The following CAMKMT variants were observed in gnomAD, a reference collection of about 807,000 sequenced individuals.
The protein encoded by CAMKMT is calmodulin-lysine N-methyltransferase, also known as CaM KMT.
Under a neutral mutation model 48.0 loss-of-function variants are expected in CAMKMT, and 53 were observed. That is an observed-to-expected ratio of 1.10 (90% CI 0.89 to 1.39). CAMKMT has a LOEUF of 1.39. Ranked by LOEUF, CAMKMT falls within the 40% of genes most tolerant of loss-of-function variation. The probability of loss-of-function intolerance (pLI) is 0.00; values close to 1 mark genes in which losing one functional copy is unlikely to be tolerated. For synonymous variants in CAMKMT, 165 were observed against 152.3 expected (o/e 1.08, Z -0.61); for missense variants, 428 against 402.7 (o/e 1.06, Z -0.54).
At chr2:44,440,446 A>T (rs1047891855) in intron 3 of CAMKMT, among the ~76,000 whole-genome samples, 12 of 152,194 alleles carry the variant, frequency 7.9e-5, no homozygotes, top group African/African-American at 2.9e-4. Context: ...ATCCTACCTC[A>T]TAGCATGTGC....
At chr2:44,715,928 T>C (rs1176562608) in intron 7 of CAMKMT, among the ~76,000 whole-genome samples, 2 of 152,178 alleles carry the variant, frequency 1.3e-5, no homozygotes, top group African/African-American at 4.8e-5. Context: ...TAAAATAGTC[T>C]AGGTGTCCAT....
intron 3 of CAMKMT, among the ~76,000 whole-genome samples, chr2:44,579,656 A>G (rs1558717990): frequency 6.6e-6 from 1 of 152,160 alleles, no homozygotes. Flanking sequence ...ACTCTTGAGC[A>G]TTGCTGCCCT....
intron 3 of CAMKMT, among the ~76,000 whole-genome samples, chr2:44,671,517 C>T (rs1675325138): frequency 6.6e-6 from 1 of 152,236 alleles, no homozygotes; most frequent in Non-Finnish European, 1.5e-5. Flanking sequence ...GCCCGGTGCA[C>T]TGAGGGTGTT....
At chr2:44,623,415 G>T (rs1288885630) in intron 3 of CAMKMT, among the ~76,000 whole-genome samples, 1 of 152,042 alleles carries the variant, frequency 6.6e-6, no homozygotes, top group Non-Finnish European at 1.5e-5. Context: ...TGATACAGAG[G>T]AGGGTATTTC....
intron 3 of CAMKMT, among the ~76,000 whole-genome samples, chr2:44,672,968 C>T (rs896002049): frequency 6.6e-6 from 1 of 152,134 alleles, no homozygotes; most frequent in African/African-American, 2.4e-5. Context: ...CTGTAATTTT[C>T]TCTTACAACA....
At chr2:44,637,034 G>C (rs1416332344) in intron 3 of CAMKMT, among the ~76,000 whole-genome samples, 1 of 151,798 alleles carries the variant, frequency 6.6e-6, no homozygotes, top group African/African-American at 2.4e-5. Context: ...GGTAAGAGGG[G>C]AAAAAAAATG....
At chr2:44,575,363 GC>G (rs113542374) in intron 3 of CAMKMT, among the ~76,000 whole-genome samples, 88,237 of 151,152 alleles carry the variant, frequency 0.58, 26,367 homozygotes, top group Middle Eastern at 0.66. Flanking sequence ...ACAGGCATGA[GC>G]CACCACGCCC....
chr2:44,466,070 G>A (rs528343506), intron 3 of CAMKMT, among the ~76,000 whole-genome samples: 6 of 152,148 alleles, frequency 3.9e-5, no homozygotes, highest in East Asian at 1.9e-4. Flanking sequence ...AAATAGTAAC[G>A]CAGTTAACAG....
At chr2:44,561,806 G>A (rs1668337897) in intron 3 of CAMKMT, among the ~76,000 whole-genome samples, 2 of 152,174 alleles carry the variant, frequency 1.3e-5, no homozygotes, top group Non-Finnish European at 2.9e-5. Flanking sequence ...AGAAAATAAA[G>A]TAGATCTGAT....
intron 3 of CAMKMT, among the ~76,000 whole-genome samples, chr2:44,536,380 A>G (rs1025216884): frequency 6.6e-6 from 1 of 150,542 alleles, no homozygotes; most frequent in East Asian, 2.0e-4. Context: ...GCTGGAGTGC[A>G]GTGGTGTGAT....
At chr2:44,680,640 A>T (rs949290739) in intron 3 of CAMKMT, among the ~76,000 whole-genome samples, 1 of 152,152 alleles carries the variant, frequency 6.6e-6, no homozygotes, top group Non-Finnish European at 1.5e-5. Context: ...TTTTCACATG[A>T]TGCCACTTAA....
chr2:44,591,099 T>A (rs1670235586), intron 3 of CAMKMT, among the ~76,000 whole-genome samples: 1 of 151,528 alleles, frequency 6.6e-6, no homozygotes, highest in Non-Finnish European at 1.5e-5. Flanking sequence ...CTGTGTCCTG[T>A]TCCATTGATC....
intron 3 of CAMKMT, among the ~76,000 whole-genome samples, chr2:44,562,048 A>G (rs1417937184): frequency 1.3e-5 from 2 of 152,160 alleles, no homozygotes; most frequent in Non-Finnish European, 2.9e-5. Context: ...ACTTGTGTGA[A>G]ATGAAAATAG....
chr2:44,509,536 C>T (rs1055596875), intron 3 of CAMKMT, among the ~76,000 whole-genome samples: 39 of 152,110 alleles, frequency 2.6e-4, no homozygotes, highest in Non-Finnish European at 3.5e-4. Context: ...GTCTTGATCT[C>T]TTGAGCTCAA....
chr2:44,419,737 T>C (rs1683801514), intron 3 of CAMKMT, among the ~76,000 whole-genome samples: 1 of 152,160 alleles, frequency 6.6e-6, no homozygotes, highest in Admixed American at 6.5e-5. Context: ...AAAAATGTTA[T>C]TTTTCCAAGA....
chr2:44,514,510 T>G (rs1366388119), intron 3 of CAMKMT, among the ~76,000 whole-genome samples: 2 of 152,328 alleles, frequency 1.3e-5, no homozygotes, highest in South Asian at 2.1e-4. Flanking sequence ...GTGGCTAGTT[T>G]GTACTAGGTA....
chr2:44,628,152 C>T (rs751481515), intron 3 of CAMKMT, among the ~76,000 whole-genome samples: 3 of 152,108 alleles, frequency 2.0e-5, no homozygotes, highest in Non-Finnish European at 4.4e-5. Flanking sequence ...CTCACTATGT[C>T]ACCCAGGCTA....
At chr2:44,441,433 G>A (rs1666654770) in intron 3 of CAMKMT, among the ~76,000 whole-genome samples, 1 of 152,106 alleles carries the variant, frequency 6.6e-6, no homozygotes, top group African/African-American at 2.4e-5. Context: ...AAATAGAGGA[G>A]TCTTTAGAAC....
intron 8 of CAMKMT, among the ~76,000 whole-genome samples, chr2:44,750,628 C>T (rs939573085): frequency 6.6e-6 from 1 of 152,184 alleles, no homozygotes; most frequent in Non-Finnish European, 1.5e-5. Flanking sequence ...ATAGTGACTA[C>T]CTCTACAGCA....
Sources: gnomAD v4.1 joint callset for allele counts (sites outside exome capture counted in the v4.1 genomes callset) on GRCh38, gnomAD v4.1.1 for gene constraint, MANE v1.5 for transcripts, NCBI Gene and HGNC (gene_info 2026-07-23, HGNC 2026-07-21) for gene names.